The following HDAC4 variants were observed in gnomAD, a reference collection of about 807,000 sequenced individuals.
HDAC4 encodes the protein histone deacetylase A.
A neutral mutation model predicts 135.1 loss-of-function variants in HDAC4; 16 were observed. The observed-to-expected ratio is 0.12, with a 90% CI of 0.08 to 0.18. The LOEUF (loss-of-function observed/expected upper bound fraction) is 0.18, where lower values mean the gene tolerates loss of function less well. HDAC4 is among the 10% of genes least tolerant of loss of function. The probability of loss-of-function intolerance (pLI) is 1.00; values close to 1 mark genes in which losing one functional copy is unlikely to be tolerated. For synonymous variants in HDAC4, 685 were observed against 653.4 expected, an observed-to-expected ratio of 1.05 and a Z score of -0.74; for missense variants, 1,143 against 1,511.8, an observed-to-expected ratio of 0.76 and a Z score of 4.05.
chr2:239,187,976 T>C (rs2044664617), intron 4 of HDAC4, among the ~76,000 whole-genome samples: 1 of 152,176 alleles, frequency 6.6e-6, no homozygotes. Context: ...GGCCCATGCA[T>C]CTGGGAAAAA....
In HDAC4 at chr2:239,163,891, A is replaced by G. The variant is rs141628920; in HGVS notation, c.523T>C (p.Leu175=). 9.3e-6 allele frequency: 15 copies of G among 1,614,000 alleles called. No homozygotes were observed. In the African/African-American group the frequency reaches 2.0e-4, roughly 22 times the overall value. The part of the protein sequence containing the change: ...AVASTEVKMK[L]QEFVLNKKKA... ...TTTTTATTGAGGACAAATTCTTGTA[A>G]CTTCATCTTCACTTCTGTGCTGGCC... Residue 175 remains leucine (L), a synonymous_variant, in exon 6 of 27, where the codon TTA becomes CTA. Transcript: ENST00000543185.
At position 239,067,031 on chromosome 2, in the gene HDAC4, T is replaced by C. The variant is rs184707005; in HGVS notation, c.2870-176A>G. ...AGAGTTTCGGCTTTGGATTTCCTCT[T>C]TGATCTGTTTGAGAGGAGGAATTAT... On this transcript the variant is annotated intron_variant, in intron 23 of 26. Coordinates refer to ENST00000543185, the MANE Select transcript of HDAC4 (RefSeq NM_001378414.1). 187 of 727,316 alleles carry C rather than the reference T, an allele frequency of 2.6e-4. No individual in the cohort carries two copies. In the Middle Eastern group the frequency reaches 2.7e-3, roughly 10 times the overall value. The allele number at this position is 727,316 out of a possible 1,614,324, so 45.1% of individuals were successfully genotyped here. A position where few individuals can be genotyped will look rare whatever the true frequency, so the allele number is the denominator to read the frequency against.
intron 1 of HDAC4, among the ~76,000 whole-genome samples, chr2:239,369,391 C>T (rs1216191809): frequency 1.3e-5 from 2 of 152,082 alleles, no homozygotes; most frequent in Admixed American, 1.3e-4. Context: ...ACAGGGCTCC[C>T]CAGAGACAGC....
intron 3 of HDAC4, among the ~76,000 whole-genome samples, chr2:239,219,832 A>G (rs2046850630): frequency 6.6e-6 from 1 of 152,188 alleles, no homozygotes; most frequent in African/African-American, 2.4e-5. Flanking sequence ...AAGATGACGG[A>G]ACTGTCTGAG....
At chr2:239,200,827 T>G (rs1240900533) in intron 3 of HDAC4, among the ~76,000 whole-genome samples, 8 of 152,058 alleles carry the variant, frequency 5.3e-5, no homozygotes, top group Non-Finnish European at 1.2e-4. Flanking sequence ...TGCAGAGTTC[T>G]AGCATGAAGG....
Position 239,068,762 on chromosome 2 carries a change from C to A in HDAC4, c.2751-155G>T, listed in dbSNP as rs550915547. 4 of 720,812 alleles carry A rather than the reference C, an allele frequency of 5.5e-6. No individual in the cohort carries two copies. The highest frequency in any genetic ancestry group is 5.1e-6 in the Non-Finnish European group (2 of 394,944). The allele number at this position is 720,812 out of a possible 1,614,324, so 44.7% of individuals were successfully genotyped here. The stretch of plus-strand genomic sequence containing the variant: ...CTCCACACAGCAGGCTGGAATCTGG[C>A]GACCACGCTTAATTAGAAGGGAATC... On this transcript the variant is annotated intron_variant, in intron 22 of 26. Transcript: ENST00000543185. The surrounding 1 kb of genome is among the most constrained non-coding windows in gnomAD (Gnocchi z 4.4).
At chr2:239,121,605 G>C (rs1485404395) in intron 12 of HDAC4, among the ~76,000 whole-genome samples, 1 of 152,236 alleles carries the variant, frequency 6.6e-6, no homozygotes, top group Non-Finnish European at 1.5e-5. Context: ...CCTTTCACGA[G>C]GATGAAGCCT....
At chr2:239,160,508 C>A (rs550457746) in intron 6 of HDAC4, among the ~76,000 whole-genome samples, 1 of 151,410 alleles carries the variant, frequency 6.6e-6, no homozygotes. Context: ...AGCCTCCCAG[C>A]CCTGGTCTGC....
At chr2:239,056,971 T>A (rs1479719151) in intron 24 of HDAC4, among the ~76,000 whole-genome samples, 1 of 151,994 alleles carries the variant, frequency 6.6e-6, no homozygotes, top group East Asian at 1.9e-4. Flanking sequence ...CATGAAAGAC[T>A]GAGAAAAAAG....
At chr2:239,282,995 C>T (rs1200422688) in intron 2 of HDAC4, among the ~76,000 whole-genome samples, 1 of 151,662 alleles carries the variant, frequency 6.6e-6, no homozygotes, top group Non-Finnish European at 1.5e-5. Flanking sequence ...TACCACTCTA[C>T]AATGTACATA....
chr2:239,068,686 G>A lies in HDAC4; in HGVS notation c.2751-79C>T, dbSNP rs2033840832. On this transcript the variant is annotated intron_variant, in intron 22 of 26. Transcript: ENST00000543185. The surrounding 1 kb of genome is among the most constrained non-coding windows in gnomAD (Gnocchi z 4.4). ...GTCACAAAACCCCAAGGTTCCCTCT[G>A]GCATTGATAATGCCTGCCCCGCACC... The A allele has an allele frequency of 8.0e-7, 1 of 1,251,694 alleles. No homozygotes were observed. Among genetic ancestry groups the A allele is most frequent in the Admixed American group, 1.7e-5 (1 of 59,522 alleles). The allele number at this position is 1,251,694 out of a possible 1,614,324, so 77.5% of individuals were successfully genotyped here. A position where few individuals can be genotyped will look rare whatever the true frequency, so the allele number is the denominator to read the frequency against.
intron 17 of HDAC4, chr2:239,094,396 G>C: frequency 1.6e-6 from 1 of 622,684 alleles, no homozygotes; most frequent in Non-Finnish European, 1.9e-6. Flanking sequence ...GCCCAGGCCA[G>C]GTCCATATCA....
In HDAC4 at chr2:239,229,202, C is replaced by A. The variant is rs949631396; in HGVS notation, c.94+7391G>T. ...AATGAATAAAGTAATGGGGCCAATT[C>A]GCCTAATTGCCAAAAGTGACTCTTA... On this transcript the variant is annotated intron_variant, in intron 3 of 26. Coordinates refer to ENST00000543185, the MANE Select transcript of HDAC4 (RefSeq NM_001378414.1). Among the ~76,000 whole-genome samples, 11 of 152,292 alleles carry A rather than the reference C, an allele frequency of 7.2e-5. No homozygotes were observed. The East Asian group carries it at 1.5e-3, about 21-fold the overall frequency.
intron 2 of HDAC4, among the ~76,000 whole-genome samples, chr2:239,326,303 C>A (rs2053468413): frequency 6.6e-6 from 1 of 152,120 alleles, no homozygotes; most frequent in South Asian, 2.1e-4. Flanking sequence ...CAGAAGGGCC[C>A]TAGAGGAGTC....
chr2:239,071,857 G>A (rs1027107413), intron 22 of HDAC4, among the ~76,000 whole-genome samples: 6 of 152,122 alleles, frequency 3.9e-5, no homozygotes, highest in Admixed American at 2.0e-4. Flanking sequence ...AAGCTGAGCC[G>A]GTTGAGACGC....
chr2:239,258,747 C>T (rs1326015627), intron 2 of HDAC4, among the ~76,000 whole-genome samples: 1 of 152,148 alleles, frequency 6.6e-6, no homozygotes, highest in East Asian at 1.9e-4. Flanking sequence ...ATAAAGTATG[C>T]CACAGAAGAG....
At chr2:239,058,214 G>A (rs2032164939) in intron 24 of HDAC4, among the ~76,000 whole-genome samples, 1 of 152,146 alleles carries the variant, frequency 6.6e-6, no homozygotes, top group Non-Finnish European at 1.5e-5. Context: ...TGTTAAAGAT[G>A]ACGAATGAAA....
chr2:239,146,464 T>C lies in HDAC4; in HGVS notation c.734-1750A>G, dbSNP rs2041768621. On this transcript the variant is annotated intron_variant, in intron 7 of 26. Coordinates refer to ENST00000543185, the MANE Select transcript of HDAC4 (RefSeq NM_001378414.1). This position sits in a 1 kb window ranked among gnomAD's most constrained non-coding sequence, Gnocchi z 4.5. ...TCAGTGGCTGCCCTGCCACATAGAGTGGGACACGTGGCATCGGGAGGCGGG... is the reference window on the plus strand; with the variant it reads ...TCAGTGGCTGCCCTGCCACATAGAGCGGGACACGTGGCATCGGGAGGCGGG... Among the ~76,000 whole-genome samples the C allele has an allele frequency of 6.6e-6, 1 of 151,852 alleles. No homozygotes were observed. The highest frequency in any genetic ancestry group is 1.5e-5 in the Non-Finnish European group (1 of 67,950).
At chr2:239,192,261 G>A (rs960693138) in intron 3 of HDAC4, among the ~76,000 whole-genome samples, 3 of 132,498 alleles carry the variant, frequency 2.3e-5, no homozygotes, top group Non-Finnish European at 4.6e-5. Context: ...GGTGAGGACT[G>A]TTCCATGTGC....
Sources: allele counts gnomAD v4.1 joint callset (sites outside exome capture counted in the v4.1 genomes callset), GRCh38; gene constraint gnomAD v4.1.1; non-coding constraint Gnocchi (gnomAD v3.1); transcripts MANE v1.5; gene names NCBI Gene and HGNC (gene_info 2026-07-23, HGNC 2026-07-21).